COPA: variants seen among roughly 807,000 people sequenced by gnomAD.
The protein encoded by COPA is coat protein complex I subunit alpha.
A neutral mutation model predicts 158.7 loss-of-function variants in COPA; 10 were observed. The ratio of observed to expected loss-of-function variants is 0.06; its 90% CI spans 0.04 to 0.11. The LOEUF (loss-of-function observed/expected upper bound fraction) is 0.11, where lower values mean the gene tolerates loss of function less well. Ranked by LOEUF, COPA falls within the 10% of genes least tolerant of loss-of-function variation. COPA has a pLI of 1.00. For synonymous variants in COPA, 462 were observed against 542.8 expected, an observed-to-expected ratio of 0.85 and a Z score of 2.07; for missense variants, 1,065 against 1,536.7, an observed-to-expected ratio of 0.69 and a Z score of 5.13.
chr1:160,322,704 G>A (rs1022050348), intron 8 of COPA, among the ~76,000 whole-genome samples: 1 of 152,124 alleles, frequency 6.6e-6, no homozygotes. Context: ...TGCTGGCAAG[G>A]GTATGGAGAA....
intron 8 of COPA, among the ~76,000 whole-genome samples, chr1:160,314,367 A>T (rs1192144164): frequency 1.3e-5 from 2 of 152,136 alleles, no homozygotes; most frequent in African/African-American, 4.8e-5. Flanking sequence ...GGTGGCTCAC[A>T]CCTGTAATCC....
Position 160,305,484 on chromosome 1 carries a change from C to G in COPA, c.1616G>C (p.Gly539Ala), listed in dbSNP as rs956728750. 1 of 1,614,054 alleles carries G rather than the reference C, an allele frequency of 6.2e-7. No homozygotes were observed. The highest frequency in any genetic ancestry group is 2.2e-5 in the East Asian group (1 of 44,878). Residue 539 changes from glycine to alanine, a missense_variant, in exon 17 of 33, where the codon GGG becomes GCG. Around this residue, in one of 2 missense-constraint regions of COPA, gnomAD observed 980 missense variants for 1,357.8 expected, o/e 0.72. Transcript: ENST00000241704. Reference protein sequence around the residue: ...RVKSGAWDESGVFIYTTSNHI... With the variant: ...RVKSGAWDESAVFIYTTSNHI... The stretch of plus-strand genomic sequence containing the variant: ...GTTGCTTGTGGTATAGATAAATACC[C>G]CACTCTCATCCCAGGCCCCACTCTT...
At chr1:160,312,046 A>G (rs1390286194) in intron 10 of COPA, 28 bp from the exon 11 acceptor site, 3 of 1,605,564 alleles carry the variant, frequency 1.9e-6, no homozygotes, top group Non-Finnish European at 2.6e-6. Context: ...GAGGAGAAAA[A>G]ATTAAGCTGT....
chr1:160,335,606 G>A (rs1043160358), intron 3 of COPA, among the ~76,000 whole-genome samples: 2 of 152,050 alleles, frequency 1.3e-5, no homozygotes, highest in Admixed American at 6.5e-5. Flanking sequence ...TTTTCAGGCT[G>A]GGCGTGGTCA....
intron 8 of COPA, among the ~76,000 whole-genome samples, chr1:160,315,817 A>T (rs1455540248): frequency 2.6e-5 from 4 of 152,242 alleles, no homozygotes; most frequent in Non-Finnish European, 5.9e-5. Flanking sequence ...GCAATTTGTG[A>T]TCTCTGACCA....
intron 6 of COPA, among the ~76,000 whole-genome samples, chr1:160,327,076 G>A (rs965806981): frequency 1.3e-5 from 2 of 152,112 alleles, no homozygotes; most frequent in African/African-American, 4.8e-5. Context: ...GAATGAACAA[G>A]CAGGTAAAAT....
At position 160,333,400 on chromosome 1, in the gene COPA, G is replaced by C. The variant is rs1647619772; in HGVS notation, c.386+203C>G. On this transcript the variant is annotated intron_variant, in intron 5 of 32. Coordinates refer to ENST00000241704, the MANE Select transcript of COPA (RefSeq NM_004371.4). Reference sequence around the variant, plus strand: ...GCTATATGACTTCTCTTCCTGGTAAGAAATTATTGGAAGTCCAGATTCATA... The same window carrying C: ...GCTATATGACTTCTCTTCCTGGTAACAAATTATTGGAAGTCCAGATTCATA... 8.8e-6 allele frequency: 4 copies of C among 452,918 alleles called. No individual in the cohort carries two copies. The South Asian group carries it at 1.8e-4, about 20-fold the overall frequency. The allele number at this position is 452,918 out of a possible 1,614,324, so 28.1% of individuals were successfully genotyped here.
intron 32 of COPA, 98 bp from the exon 33 acceptor site, chr1:160,290,314 G>T (rs534690817): frequency 1.4e-6 from 2 of 1,430,126 alleles, no homozygotes; most frequent in African/African-American, 1.4e-5. Context: ...CAGTAGACAG[G>T]TATTGGGGTG....
At chr1:160,325,826 G>A (rs907550454) in intron 6 of COPA, among the ~76,000 whole-genome samples, 174 bp from the exon 7 acceptor site, 2 of 152,224 alleles carry the variant, frequency 1.3e-5, no homozygotes, top group Non-Finnish European at 2.9e-5. Flanking sequence ...AAATATTGAA[G>A]TACATTCACC....
intron 8 of COPA, among the ~76,000 whole-genome samples, chr1:160,321,871 A>C (rs1268195860): frequency 1.3e-5 from 2 of 152,190 alleles, no homozygotes; most frequent in African/African-American, 4.8e-5. Flanking sequence ...ACTACAAAAA[A>C]TATAAAATGC....
intron 23 of COPA, 151 bp downstream of exon 23, chr1:160,295,585 A>C (rs568172869): frequency 1.1e-4 from 93 of 847,456 alleles, no homozygotes; most frequent in Admixed American, 6.3e-4. Context: ...TTAAGTTTTT[A>C]AGACTGCACC....
At chr1:160,317,782 A>C (rs1454190695) in intron 8 of COPA, 19 of 994,420 alleles carry the variant, frequency 1.9e-5, no homozygotes, top group Non-Finnish European at 2.9e-5. Context: ...ATGTGGTGTT[A>C]AAAACGGAAT....
chr1:160,326,075 G>T (rs1008910362), intron 6 of COPA: 4 of 164,604 alleles, frequency 2.4e-5, no homozygotes, highest in South Asian at 1.6e-4. Context: ...GCTTTTCCCC[G>T]ATCATTTCAG....
rs750476340 is a variant in COPA, at chr1:160,311,895, T to C, written c.1049A>G (p.Lys350Arg). Reference protein sequence around the residue: ...FLRQLDFNSSKDVAVMQLRSG... With the variant: ...FLRQLDFNSSRDVAVMQLRSG... ...CCGCAACTGCATCACAGCTACATCT[T>C]TGGAGCTGTTGAAATCCAGCTGTCG... Residue 350 changes from lysine (K) to arginine (R), a missense_variant, in exon 11 of 33, where the codon AAA (lysine) becomes AGA (arginine). Physicochemically the swap from Lys to Arg is conservative, Grantham distance 26. This residue lies in a region of COPA where 980 missense variants were observed against 1,357.8 expected (regional missense o/e 0.72). Coordinates refer to ENST00000241704, the MANE Select transcript of COPA (RefSeq NM_004371.4). 5.6e-6 allele frequency: 9 copies of C among 1,613,936 alleles called. No individual in the cohort carries two copies. The highest frequency in any genetic ancestry group is 7.6e-6 in the Non-Finnish European group (9 of 1,179,864).
intron 6 of COPA, among the ~76,000 whole-genome samples, chr1:160,329,406 G>C (rs1378974838): frequency 2.0e-5 from 3 of 151,808 alleles, no homozygotes; most frequent in Non-Finnish European, 4.4e-5. Context: ...AACCCCATGG[G>C]GTCACACTCC....
intron 14 of COPA, among the ~76,000 whole-genome samples, chr1:160,306,774 T>C (rs573335763): frequency 2.0e-5 from 3 of 152,218 alleles, no homozygotes; most frequent in Non-Finnish European, 4.4e-5. Flanking sequence ...TTCTGGGGCT[T>C]AAATTTTGTT....
At chr1:160,299,050 A>G in intron 18 of COPA, 52 bp downstream of exon 18, 17 of 1,605,472 alleles carry the variant, frequency 1.1e-5, no homozygotes, top group Non-Finnish European at 1.4e-5. Flanking sequence ...AAAAGAAAAA[A>G]AAAAAGAGTG....
chr1:160,294,685 T>C, intron 24 of COPA, 83 bp downstream of exon 24: 1 of 1,593,656 alleles, frequency 6.3e-7, no homozygotes, highest in Non-Finnish European at 8.6e-7. Context: ...TTTCATGGCC[T>C]GGAAGTCTGC....
chr1:160,325,191 T>G (rs534163899), intron 7 of COPA, among the ~76,000 whole-genome samples: 1 of 152,296 alleles, frequency 6.6e-6, no homozygotes, highest in Admixed American at 6.5e-5. Context: ...TTTTCCCACC[T>G]GCACAAAAGT....
Sources: gnomAD v4.1 joint callset for allele counts (sites outside exome capture counted in the v4.1 genomes callset) on GRCh38, gnomAD v4.1.1 for gene constraint, gnomAD v4.1.1 regional missense constraint, MANE v1.5 for transcripts, NCBI Gene and HGNC (gene_info 2026-07-23, HGNC 2026-07-21) for gene names.